FSHR: variants seen among roughly 807,000 people sequenced by gnomAD.
FSHR encodes follicle-stimulating hormone receptor.
A neutral mutation model predicts 52.1 loss-of-function variants in FSHR; 46 were observed. That is an observed-to-expected ratio of 0.88 (90% confidence interval 0.70 to 1.13). The LOEUF is 1.13. Among genes scored for constraint, FSHR ranks in the 50% most tolerant of loss-of-function variants. The pLI, the probability that FSHR is intolerant of heterozygous loss-of-function variation, is 0.00. For synonymous variants in FSHR, 399 were observed against 309.6 expected, an observed-to-expected ratio of 1.29 and a Z score of -3.03; for missense variants, 964 against 834.6, an observed-to-expected ratio of 1.16 and a Z score of -1.91.
chr2:49,056,431 A>G (rs1669063947), intron 2 of FSHR, among the ~76,000 whole-genome samples: 1 of 148,242 alleles, frequency 6.7e-6, no homozygotes, highest in African/African-American at 2.5e-5. Flanking sequence ...TCAGCAAGAA[A>G]TCATTACAAT....
intron 4 of FSHR, among the ~76,000 whole-genome samples, chr2:49,011,404 T>C (rs929769096): frequency 2.0e-5 from 3 of 152,202 alleles, no homozygotes; most frequent in Non-Finnish European, 4.4e-5. Flanking sequence ...TAGTTTGTTA[T>C]AATTTCTGTT....
chr2:49,149,311 C>G (rs2103857677), intron 1 of FSHR, among the ~76,000 whole-genome samples: 1 of 152,138 alleles, frequency 6.6e-6, no homozygotes, highest in East Asian at 1.9e-4. Context: ...TCAGAACCAT[C>G]TCCTTCATGA....
intron 4 of FSHR, among the ~76,000 whole-genome samples, chr2:49,009,598 A>G (rs912105715): frequency 6.9e-6 from 1 of 145,894 alleles, no homozygotes; most frequent in African/African-American, 2.5e-5. Flanking sequence ...ATGGCATTGA[A>G]TCTGTAAATT....
At chr2:48,983,769 A>G (rs190463833) in intron 6 of FSHR, among the ~76,000 whole-genome samples, 2 of 152,272 alleles carry the variant, frequency 1.3e-5, no homozygotes, top group East Asian at 1.9e-4. Context: ...AGAGAAATCA[A>G]TTACAGAGAA....
intron 4 of FSHR, among the ~76,000 whole-genome samples, chr2:49,008,124 C>A (rs1458542636): frequency 6.8e-6 from 1 of 146,014 alleles, no homozygotes; most frequent in African/African-American, 2.5e-5. Context: ...TGCACTGCAC[C>A]CACTAACTCG....
intron 2 of FSHR, among the ~76,000 whole-genome samples, chr2:49,062,782 A>G (rs185367575): frequency 6.6e-6 from 1 of 152,224 alleles, no homozygotes; most frequent in East Asian, 1.9e-4. Flanking sequence ...AGACATACAA[A>G]TGGTCAATAG....
At chr2:48,975,261 C>G (rs930303342) in intron 8 of FSHR, among the ~76,000 whole-genome samples, 3 of 152,064 alleles carry the variant, frequency 2.0e-5, no homozygotes, top group African/African-American at 7.2e-5. Context: ...GGTTCTCAGG[C>G]TTTTGGACTC....
intron 1 of FSHR, among the ~76,000 whole-genome samples, chr2:49,116,084 T>A (rs1671587677): frequency 6.6e-6 from 1 of 151,818 alleles, no homozygotes; most frequent in Non-Finnish European, 1.5e-5. Context: ...GATCTTGGCA[T>A]TTTTTTTAGT....
intron 1 of FSHR, among the ~76,000 whole-genome samples, chr2:49,152,115 A>G (rs967107780): frequency 6.6e-6 from 1 of 152,184 alleles, no homozygotes; most frequent in Admixed American, 6.5e-5. Flanking sequence ...AAAGCTCTTA[A>G]CTATACTCAT....
chr2:49,001,646 GA>G (rs1203570587), intron 4 of FSHR, among the ~76,000 whole-genome samples: 1 of 152,088 alleles, frequency 6.6e-6, no homozygotes, highest in Non-Finnish European at 1.5e-5. Context: ...TAATTATTTA[GA>G]AAGCTATTTC....
chr2:48,963,547 G>A lies in FSHR; in HGVS notation c.1274C>T (p.Thr425Ile). The stretch of plus-strand genomic sequence containing the variant: ...GGCATAGTTGTGATATTGGCTCTTG[G>A]TATGGATATCAACTGATGCAATGAG... ...LLLIASVDIH[T>I]KSQYHNYAID... The change falls in exon 10 of 10, where the codon ACC becomes ATC. Residue 425 changes from threonine to isoleucine, a missense_variant. Thr to Ile is a moderately conservative substitution (Grantham distance 89, BLOSUM62 -1). Transcript: ENST00000406846. The A allele has an allele frequency of 6.2e-7, 1 of 1,614,152 alleles. No homozygotes were observed. Among genetic ancestry groups the A allele is most frequent in the Non-Finnish European group, 8.5e-7 (1 of 1,180,002 alleles).
At chr2:49,128,959 A>G (rs914928860) in intron 1 of FSHR, among the ~76,000 whole-genome samples, 1 of 151,942 alleles carries the variant, frequency 6.6e-6, no homozygotes, top group African/African-American at 2.4e-5. Context: ...ACATCACTCT[A>G]TTATTTTCTC....
intron 1 of FSHR, among the ~76,000 whole-genome samples, chr2:49,078,143 A>C (rs188900637): frequency 6.6e-6 from 1 of 152,336 alleles, no homozygotes; most frequent in African/African-American, 2.4e-5. Context: ...AATTTACAAA[A>C]GAAAGAGATT....
intron 1 of FSHR, among the ~76,000 whole-genome samples, chr2:49,146,018 G>A (rs1672856104): frequency 6.6e-6 from 1 of 151,954 alleles, no homozygotes; most frequent in Admixed American, 6.6e-5. Context: ...AGATAGAAGA[G>A]TTAATTTGAG....
chr2:48,988,439 A>G (rs1164267779), intron 6 of FSHR, among the ~76,000 whole-genome samples: 1 of 152,214 alleles, frequency 6.6e-6, no homozygotes, highest in Non-Finnish European at 1.5e-5. Context: ...ATAAAAGAGT[A>G]GAAGGTCTTT....
chr2:49,011,358 C>G (rs1667264514), intron 4 of FSHR, among the ~76,000 whole-genome samples: 1 of 151,956 alleles, frequency 6.6e-6, no homozygotes, highest in African/African-American at 2.4e-5. Flanking sequence ...ATTCTTAATC[C>G]TGAGTTCTAG....
At chr2:49,135,424 T>G (rs1672456128) in intron 1 of FSHR, among the ~76,000 whole-genome samples, 1 of 152,136 alleles carries the variant, frequency 6.6e-6, no homozygotes, top group South Asian at 2.1e-4. Context: ...GAATGAAAAT[T>G]AAGACATAAC....
chr2:49,010,955 T>C (rs1389759054), intron 4 of FSHR, among the ~76,000 whole-genome samples: 1 of 151,950 alleles, frequency 6.6e-6, no homozygotes, highest in Non-Finnish European at 1.5e-5. Context: ...GTCTATCAAT[T>C]TTGTTGATCC....
At chr2:49,052,838 C>A (rs1478098380) in intron 2 of FSHR, among the ~76,000 whole-genome samples, 3 of 152,180 alleles carry the variant, frequency 2.0e-5, no homozygotes, top group Non-Finnish European at 4.4e-5. Flanking sequence ...CTCTGAAGGG[C>A]AAAGCTGAGT....
Sources: gnomAD v4.1 joint callset for allele counts (sites outside exome capture counted in the v4.1 genomes callset) on GRCh38, gnomAD v4.1.1 for gene constraint, MANE v1.5 for transcripts, NCBI Gene and HGNC (gene_info 2026-07-23, HGNC 2026-07-21) for gene names.